Variants in PLPPR1 observed in about 807,000 individuals in gnomAD.
PLPPR1 encodes phospholipid phosphatase related 1.
In PLPPR1, 10 loss-of-function variants were observed where a neutral mutation model predicts 33.1. The ratio of observed to expected loss-of-function variants is 0.30; its 90% CI spans 0.19 to 0.51. The LOEUF (loss-of-function observed/expected upper bound fraction) is 0.51. Ranked by LOEUF, PLPPR1 falls within the 20% of genes least tolerant of loss-of-function variation. The pLI is 0.97. For missense variants in PLPPR1, 304 were observed against 408.1 expected, an observed-to-expected ratio of 0.74 and a Z score of 2.20; for synonymous variants, 151 against 151.0, an observed-to-expected ratio of 1.00 and a Z score of 0.00.
chr9:101,182,189 A>G (rs1427900592), intron 1 of PLPPR1, among the ~76,000 whole-genome samples: 1 of 151,726 alleles, frequency 6.6e-6, no homozygotes, highest in Admixed American at 6.6e-5. Flanking sequence ...AATCTAAAAA[A>G]GTTGAAATCA....
chr9:101,084,572 C>T (rs74816218), intron 1 of PLPPR1, among the ~76,000 whole-genome samples: 8,084 of 152,200 alleles, frequency 0.053, 378 homozygotes, highest in African/African-American at 0.12. Flanking sequence ...AAGAAAAAAG[C>T]GGAAAACCAG....
At chr9:101,041,699 A>G (rs1164107334) in intron 1 of PLPPR1, among the ~76,000 whole-genome samples, 1 of 152,142 alleles carries the variant, frequency 6.6e-6, no homozygotes, top group East Asian at 1.9e-4. Flanking sequence ...GCTTTGGACT[A>G]CTTGAAGTTG....
Position 101,309,289 on chromosome 9 carries a change from A to T in PLPPR1, c.464A>T (p.Tyr155Phe), listed in dbSNP as rs1378260774. Residue 155 changes from tyrosine (Y) to phenylalanine (F), a missense_variant, in exon 5 of 8, where the codon TAC becomes TTC. Tyr to Phe is a conservative substitution (Grantham distance 22, BLOSUM62 3). Transcript: ENST00000374874. ...GTGGTCACTGGGCACTTAACGCCAT[A>T]CTTCCTGACTGTGTGCAAGCCAAAC... ...GQVVTGHLTP[Y>F]FLTVCKPNYT... The T allele has an allele frequency of 2.5e-6, 4 of 1,614,150 alleles. No individual in the cohort carries two copies. Among genetic ancestry groups the T allele is most frequent in the Non-Finnish European group, 3.4e-6 (4 of 1,180,032 alleles).
intron 2 of PLPPR1, among the ~76,000 whole-genome samples, chr9:101,216,613 G>C (rs1588076822): frequency 6.6e-6 from 1 of 152,154 alleles, no homozygotes; most frequent in African/African-American, 2.4e-5. Flanking sequence ...TTTTTGAAAA[G>C]AAACAGAAAT....
chr9:101,225,777 TA>T (rs945868994), intron 2 of PLPPR1, among the ~76,000 whole-genome samples: 2 of 125,668 alleles, frequency 1.6e-5, no homozygotes, highest in African/African-American at 5.9e-5. Flanking sequence ...AAATATAATT[TA>T]AATGTGTCAG....
chr9:101,116,631 G>A (rs1369012751), intron 1 of PLPPR1, among the ~76,000 whole-genome samples: 1 of 152,000 alleles, frequency 6.6e-6, no homozygotes, highest in Non-Finnish European at 1.5e-5. Flanking sequence ...TGGCCAAGAT[G>A]GTGAAACCCC....
intron 1 of PLPPR1, among the ~76,000 whole-genome samples, chr9:101,033,110 T>C (rs577627388): frequency 6.6e-6 from 1 of 152,310 alleles, no homozygotes; most frequent in South Asian, 2.1e-4. Context: ...GTTCCAGCCA[T>C]CAACACTGCA....
Position 101,245,620 on chromosome 9 carries a change from C to T in PLPPR1, c.64-24260C>T, listed in dbSNP as rs151137409. Among the ~76,000 whole-genome samples, 1,470 of 151,982 alleles carry T rather than the reference C, an allele frequency of 9.7e-3. 30 individuals are homozygous for T. Among genetic ancestry groups the T allele is most frequent in the African/African-American group, 0.032 (1,346 of 41,504 alleles). On this transcript the variant is annotated intron_variant, in intron 2 of 7. Coordinates refer to ENST00000374874, the MANE Select transcript of PLPPR1 (RefSeq NM_207299.2). ...TTTCTAGTGCATATCAAGTATTAAA[C>T]GCTAAAAGAGTAAGAATCCACTGGA... is the stretch of plus-strand genomic sequence containing the variant.
At chr9:101,314,131 T>C (rs1007696108) in intron 6 of PLPPR1, among the ~76,000 whole-genome samples, 7 of 152,106 alleles carry the variant, frequency 4.6e-5, no homozygotes, top group Non-Finnish European at 2.9e-5. Flanking sequence ...ATGAAATGAA[T>C]CCCCTAACAA....
intron 1 of PLPPR1, among the ~76,000 whole-genome samples, chr9:101,100,576 A>T (rs1830885299): frequency 6.6e-6 from 1 of 151,976 alleles, no homozygotes; most frequent in African/African-American, 2.4e-5. Context: ...TTATTACGGA[A>T]ATGTATTTTA....
chr9:101,239,960 C>T (rs1471851623), intron 2 of PLPPR1, among the ~76,000 whole-genome samples: 1 of 151,956 alleles, frequency 6.6e-6, no homozygotes. Context: ...TTACCCATAA[C>T]ATTTTTGCCT....
intron 1 of PLPPR1, among the ~76,000 whole-genome samples, chr9:101,111,678 T>A (rs940013143): frequency 6.6e-6 from 1 of 152,218 alleles, no homozygotes; most frequent in African/African-American, 2.4e-5. Flanking sequence ...TCAGTTACTT[T>A]GTGAAAATTT....
At chr9:101,226,715 T>C (rs557212477) in intron 2 of PLPPR1, among the ~76,000 whole-genome samples, 1 of 152,222 alleles carries the variant, frequency 6.6e-6, no homozygotes, top group South Asian at 2.1e-4. Flanking sequence ...CCTTGGAGGC[T>C]GGGATTTCAA....
intron 1 of PLPPR1, among the ~76,000 whole-genome samples, chr9:101,154,963 G>A (rs191138216): frequency 1.7e-5 from 2 of 115,440 alleles, no homozygotes; most frequent in Admixed American, 2.1e-4. Context: ...GCCTCTCATG[G>A]GGTGGGGGGA....
At chr9:101,045,269 A>C (rs1172519193) in intron 1 of PLPPR1, among the ~76,000 whole-genome samples, 1 of 152,244 alleles carries the variant, frequency 6.6e-6, no homozygotes, top group Non-Finnish European at 1.5e-5. Context: ...AATAGTCTAG[A>C]TAGAATCTGA....
intron 2 of PLPPR1, among the ~76,000 whole-genome samples, chr9:101,256,922 C>T (rs1270238534): frequency 6.6e-6 from 1 of 152,064 alleles, no homozygotes; most frequent in Non-Finnish European, 1.5e-5. Context: ...ACCCCCAAGA[C>T]AAATAAACAG....
In PLPPR1 at chr9:101,166,390, A is replaced by C. The variant is rs776846528; in HGVS notation, c.-45-19060A>C. On this transcript the variant is annotated intron_variant, in intron 1 of 7. Coordinates refer to ENST00000374874, the MANE Select transcript of PLPPR1 (RefSeq NM_207299.2). ...TTATCCCACTTGTAATGACTTGTTTAATATCATCTTTCCAAAAGACACTTA... is the reference window on the plus strand; with the variant it reads ...TTATCCCACTTGTAATGACTTGTTTCATATCATCTTTCCAAAAGACACTTA... Among the ~76,000 whole-genome samples, 17 of 152,204 alleles carry C rather than the reference A, an allele frequency of 1.1e-4. 1 individual carries two copies. Among genetic ancestry groups the C allele is most frequent in the Non-Finnish European group, 1.6e-4 (11 of 68,038 alleles).
intron 2 of PLPPR1, among the ~76,000 whole-genome samples, chr9:101,232,159 C>T (rs915409293): frequency 2.2e-4 from 34 of 151,912 alleles, no homozygotes; most frequent in African/African-American, 8.2e-4. Context: ...TTGTGGGAGG[C>T]CAATTTTTCT....
At chr9:101,042,474 C>T (rs1830087897) in intron 1 of PLPPR1, among the ~76,000 whole-genome samples, 1 of 152,132 alleles carries the variant, frequency 6.6e-6, no homozygotes. Context: ...CTTCTGTAGC[C>T]AAGAGACTTT....
Sources: allele counts gnomAD v4.1 joint callset (sites outside exome capture counted in the v4.1 genomes callset), GRCh38; gene constraint gnomAD v4.1.1; transcripts MANE v1.5; gene names NCBI Gene and HGNC (gene_info 2026-07-23, HGNC 2026-07-21).